Variants in CSMD2 observed in about 807,000 individuals in gnomAD.
CSMD2 encodes CUB and sushi domain-containing protein 2.
In CSMD2, 130 loss-of-function variants were observed where a neutral mutation model predicts 398.5. The ratio of observed to expected loss-of-function variants is 0.33; its 90% CI spans 0.28 to 0.38. The LOEUF (loss-of-function observed/expected upper bound fraction) is 0.38, where lower values mean the gene tolerates loss of function less well. Among genes scored for constraint, CSMD2 ranks in the 10% least tolerant of loss-of-function variants. The pLI is 1.00. For missense variants in CSMD2, 3,829 were observed against 4,764.9 expected (o/e 0.80, Z 5.78); for synonymous variants, 1,828 against 1,908.5 (o/e 0.96, Z 1.10).
chr1:33,658,164 T>G lies in CSMD2; in HGVS notation c.4256-27A>C, dbSNP rs377741274. On this transcript the variant is annotated intron_variant, in intron 26 of 70. Transcript: ENST00000373381. ...TGGGGCAAGGAAATAGAAGAGAGGG[T>G]AAGGTCGCCTGGGTGTCTGCCACTC... 5.6e-4 allele frequency: 901 copies of G among 1,595,240 alleles called. 12 individuals carry two copies. The highest frequency in any genetic ancestry group is 5.0e-3 in the South Asian group (451 of 89,756).
intron 41 of CSMD2, chr1:33,605,872 C>T: frequency 1.2e-6 from 2 of 1,613,174 alleles, no homozygotes; most frequent in Non-Finnish European, 1.7e-6. Flanking sequence ...CCTTCACAAC[C>T]AGGATCAAGA....
chr1:33,722,723 T>C lies in CSMD2; in HGVS notation c.3001+1474A>G, dbSNP rs1470996924. ...TTTAGTATTTGACTTTAAATTTTTA[T>C]GGAACTTTTTTTTTTTAACCTAAAT... On this transcript the variant is annotated intron_variant, in intron 19 of 70. Coordinates refer to ENST00000373381, the MANE Select transcript of CSMD2 (RefSeq NM_001281956.2). Among the ~76,000 whole-genome samples, 19 of 151,882 alleles carry C rather than the reference T, an allele frequency of 1.3e-4. No individual in the cohort carries two copies. The Admixed American group carries it at 1.3e-3, about 10-fold the overall frequency.
chr1:33,703,507 A>G (rs1437761525), intron 22 of CSMD2, among the ~76,000 whole-genome samples: 2 of 152,228 alleles, frequency 1.3e-5, no homozygotes, highest in African/African-American at 4.8e-5. Flanking sequence ...TGATTGAGAA[A>G]TCCAAGAGAA....
At position 33,728,706 on chromosome 1, in the gene CSMD2, C is replaced by T. The variant is rs774723484; in HGVS notation, c.2369-2021G>A. On this transcript the variant is annotated intron_variant, in intron 15 of 70. Transcript: ENST00000373381. ...CCAACAGTAATAAGCTCATGTGTAT[C>T]GATAACTTACTATGTGTCAGGGCTT... Among the ~76,000 whole-genome samples, 65 of 152,116 alleles carry T rather than the reference C, an allele frequency of 4.3e-4. 1 individual carries two copies. Among genetic ancestry groups the T allele is most frequent in the Non-Finnish European group, 2.2e-4 (15 of 68,018 alleles).
At chr1:33,944,232 C>G (rs187300201) in intron 3 of CSMD2, among the ~76,000 whole-genome samples, 4 of 134,454 alleles carry the variant, frequency 3.0e-5, no homozygotes, top group African/African-American at 5.0e-5. Context: ...TCAGGAACGC[C>G]CCCCCCCCAA....
chr1:33,923,271 G>T (rs1027058746), intron 4 of CSMD2, among the ~76,000 whole-genome samples: 1 of 152,098 alleles, frequency 6.6e-6, no homozygotes, highest in Non-Finnish European at 1.5e-5. Context: ...CTCATGGCTT[G>T]GTGCTGTCCT....
intron 66 of CSMD2, 136 bp from the exon 67 acceptor site, chr1:33,523,555 T>C: frequency 1.7e-6 from 1 of 605,450 alleles, no homozygotes; most frequent in Non-Finnish European, 3.0e-6. Flanking sequence ...CCACATCCCT[T>C]TAAGTCGTAA....
chr1:33,666,835 G>A (rs1188327250), intron 25 of CSMD2, among the ~76,000 whole-genome samples: 1 of 152,160 alleles, frequency 6.6e-6, no homozygotes, highest in Non-Finnish European at 1.5e-5. Context: ...CAGCCAAGAG[G>A]AGACCGAGTG....
intron 12 of CSMD2, among the ~76,000 whole-genome samples, chr1:33,780,774 C>T (rs1652648731): frequency 6.6e-6 from 1 of 152,214 alleles, no homozygotes; most frequent in South Asian, 2.1e-4. Flanking sequence ...TCAACTTTGG[C>T]TCCCAGTGCC....
At chr1:33,749,601 A>G (rs546585653) in intron 13 of CSMD2, among the ~76,000 whole-genome samples, 3 of 152,224 alleles carry the variant, frequency 2.0e-5, no homozygotes, top group Non-Finnish European at 4.4e-5. Context: ...CAGAAAAAAA[A>G]ATTGGCTTCT....
At chr1:33,917,963 C>CT in intron 5 of CSMD2, 131 bp downstream of exon 5, 1 of 691,774 alleles carries the variant, frequency 1.4e-6, no homozygotes, top group Non-Finnish European at 2.4e-6. Context: ...TGAAAGGACT[C>CT]TAACAGTAGG....
At chr1:33,693,648 T>C (rs1355079028) in intron 24 of CSMD2, among the ~76,000 whole-genome samples, 2 of 152,226 alleles carry the variant, frequency 1.3e-5, no homozygotes, top group Admixed American at 6.5e-5. Context: ...TGAATGTTCA[T>C]AGCAACGTTA....
At chr1:33,820,686 T>C (rs185748397) in intron 7 of CSMD2, 130 bp from the exon 8 acceptor site, 42 of 665,132 alleles carry the variant, frequency 6.3e-5, no homozygotes, top group Admixed American at 4.2e-4. Flanking sequence ...CCCTGCTTTG[T>C]TGGGGCTGTG....
intron 1 of CSMD2, among the ~76,000 whole-genome samples, chr1:34,158,287 C>G (rs74071240): frequency 0.017 from 2,627 of 152,262 alleles, 74 homozygotes; most frequent in African/African-American, 0.059. Flanking sequence ...TCTTTGTAAG[C>G]ATAAAGACTC....
intron 52 of CSMD2, among the ~76,000 whole-genome samples, 157 bp from the exon 53 acceptor site, chr1:33,567,998 C>A (rs147091986): frequency 2.0e-5 from 3 of 152,144 alleles, no homozygotes; most frequent in African/African-American, 4.8e-5. Flanking sequence ...CAAGGTTGTA[C>A]CCCAAATGGC....
At chr1:34,037,775 G>C (rs1413752399) in intron 2 of CSMD2, among the ~76,000 whole-genome samples, 1 of 152,088 alleles carries the variant, frequency 6.6e-6, no homozygotes, top group Non-Finnish European at 1.5e-5. Flanking sequence ...CTCTCACTAA[G>C]CAGAAATTGT....
At chr1:34,159,333 C>CA (rs1641100395) in intron 1 of CSMD2, among the ~76,000 whole-genome samples, 4 of 69,334 alleles carry the variant, frequency 5.8e-5, no homozygotes, top group Admixed American at 1.1e-4. Flanking sequence ...AGCCTGCCCC[C>CA]CCCCCACCCA....
At chr1:33,561,346 C>T (rs780053591) in intron 53 of CSMD2, among the ~76,000 whole-genome samples, 40 of 152,288 alleles carry the variant, frequency 2.6e-4, no homozygotes, top group Non-Finnish European at 5.3e-4. Context: ...ACCAGGATTT[C>T]GGCTCAGCTC....
chr1:33,762,593 G>A (rs1171699460), intron 13 of CSMD2, among the ~76,000 whole-genome samples: 1 of 152,144 alleles, frequency 6.6e-6, no homozygotes, highest in Non-Finnish European at 1.5e-5. Context: ...TTCACAGTTT[G>A]GTTTTGGACA....
Sources: allele counts gnomAD v4.1 joint callset (sites outside exome capture counted in the v4.1 genomes callset), GRCh38; gene constraint gnomAD v4.1.1; transcripts MANE v1.5; gene names NCBI Gene and HGNC (gene_info 2026-07-23, HGNC 2026-07-21).